SUSD4: variants seen among roughly 807,000 people sequenced by gnomAD.
SUSD4 encodes the protein sushi domain-containing protein 4.
In SUSD4, 41 loss-of-function variants were observed where a neutral mutation model predicts 50.5. The observed-to-expected ratio is 0.81, with a 90% CI of 0.63 to 1.05. The LOEUF is 1.05. Ranked by LOEUF, SUSD4 falls within the 50% of genes least tolerant of loss-of-function variation. SUSD4 has a pLI of 0.00. For synonymous variants in SUSD4, 257 were observed against 257.3 expected, an observed-to-expected ratio of 1.00 and a Z score of 0.01; for missense variants, 580 against 634.7, an observed-to-expected ratio of 0.91 and a Z score of 0.93.
chr1:223,302,760 A>G (rs1013735999), intron 2 of SUSD4, among the ~76,000 whole-genome samples: 1 of 152,200 alleles, frequency 6.6e-6, no homozygotes, highest in Non-Finnish European at 1.5e-5. Flanking sequence ...CATCCAAACT[A>G]ACCTGCCTCT....
intron 2 of SUSD4, among the ~76,000 whole-genome samples, chr1:223,311,572 G>C (rs1437790175): frequency 6.6e-6 from 1 of 152,200 alleles, no homozygotes; most frequent in Non-Finnish European, 1.5e-5. Flanking sequence ...TAGTGACGGA[G>C]GTAGATGGTG....
At chr1:223,331,806 CAG>C (rs1426735286) in intron 2 of SUSD4, among the ~76,000 whole-genome samples, 1 of 152,202 alleles carries the variant, frequency 6.6e-6, no homozygotes, top group Non-Finnish European at 1.5e-5. Context: ...GGTGTCAACT[CAG>C]AGATGCTAAG....
At chr1:223,341,657 A>T (rs2103301605) in intron 2 of SUSD4, among the ~76,000 whole-genome samples, 1 of 152,322 alleles carries the variant, frequency 6.6e-6, no homozygotes, top group Non-Finnish European at 1.5e-5. Context: ...GACAATCAGC[A>T]TGGCTCCCCC....
At chr1:223,360,763 C>T (rs978075198) in intron 2 of SUSD4, among the ~76,000 whole-genome samples, 1 of 152,030 alleles carries the variant, frequency 6.6e-6, no homozygotes, top group Non-Finnish European at 1.5e-5. Flanking sequence ...AAATGAAAAT[C>T]CACATTTCAG....
At chr1:223,337,260 T>C (rs1667506874) in intron 2 of SUSD4, among the ~76,000 whole-genome samples, 1 of 152,174 alleles carries the variant, frequency 6.6e-6, no homozygotes, top group South Asian at 2.1e-4. Context: ...GTCAGTAGAA[T>C]GTGTTAAGGA....
At chr1:223,280,259 GC>G (rs1663609385) in intron 3 of SUSD4, among the ~76,000 whole-genome samples, 1 of 152,100 alleles carries the variant, frequency 6.6e-6, no homozygotes, top group South Asian at 2.1e-4. Context: ...ATGTAAATGG[GC>G]TAAATGCTCC....
intron 5 of SUSD4, among the ~76,000 whole-genome samples, chr1:223,260,734 G>C (rs1430520728): frequency 1.3e-5 from 2 of 152,208 alleles, no homozygotes; most frequent in African/African-American, 2.4e-5. Context: ...ATACGCTCCA[G>C]AATCTTCCCA....
rs544173441 is a variant in SUSD4 at position 223,333,150 on chromosome 1, C to T, written c.148+30128G>A. Among the ~76,000 whole-genome samples, 13 of 151,886 alleles carry T rather than the reference C, an allele frequency of 8.6e-5. No homozygotes were observed. The South Asian group carries it at 2.5e-3, about 29-fold the overall frequency. On this transcript the variant is annotated intron_variant, in intron 2 of 8. Transcript: ENST00000366878. ...ACTGTAACCTCCCCCGTTACGGTGA[C>T]GGCAAAATGGTGCACACACCCACGG...
At chr1:223,311,578 T>C (rs1298833432) in intron 2 of SUSD4, among the ~76,000 whole-genome samples, 1 of 152,210 alleles carries the variant, frequency 6.6e-6, no homozygotes, top group Admixed American at 6.5e-5. Flanking sequence ...CGGAGGTAGA[T>C]GGTGTTTGTG....
In SUSD4 at chr1:223,361,514, G is replaced by A. The variant is rs80256213; in HGVS notation, c.148+1764C>T. Among the ~76,000 whole-genome samples, 1,516 of 152,226 alleles carry A rather than the reference G, an allele frequency of 1.0e-2. 24 individuals carry two copies. Among genetic ancestry groups the A allele is most frequent in the African/African-American group, 0.034 (1,399 of 41,522 alleles). ...ACAGGAAGGCAGGGAAAAAAGACAT[G>A]CTATAGGAACCTCATAGGTGACTGT... On this transcript the variant is annotated intron_variant, in intron 2 of 8. Coordinates refer to ENST00000366878, the MANE Select transcript of SUSD4 (RefSeq NM_017982.4).
At chr1:223,239,437 T>A (rs1660431787) in intron 5 of SUSD4, among the ~76,000 whole-genome samples, 1 of 152,090 alleles carries the variant, frequency 6.6e-6, no homozygotes, top group Admixed American at 6.5e-5. Context: ...CACTTTTTCA[T>A]CCACTTCCAG....
intron 5 of SUSD4, among the ~76,000 whole-genome samples, chr1:223,255,573 G>C (rs1661626864): frequency 6.6e-6 from 1 of 152,048 alleles, no homozygotes; most frequent in African/African-American, 2.4e-5. Context: ...AAGTTACCTG[G>C]GGCTTCCCAG....
At chr1:223,300,501 A>C (rs1665119105) in intron 2 of SUSD4, among the ~76,000 whole-genome samples, 6 of 152,170 alleles carry the variant, frequency 3.9e-5, no homozygotes, top group Admixed American at 3.9e-4. Flanking sequence ...TAAAAATGAA[A>C]GAGGTGTGAA....
chr1:223,299,070 A>C (rs1446899132), intron 2 of SUSD4, among the ~76,000 whole-genome samples: 2 of 152,212 alleles, frequency 1.3e-5, no homozygotes, highest in African/African-American at 2.4e-5. Context: ...GCAAGACAGT[A>C]ATTTTCTAGG....
intron 3 of SUSD4, among the ~76,000 whole-genome samples, chr1:223,273,442 C>T (rs934012170): frequency 6.6e-6 from 1 of 152,182 alleles, no homozygotes; most frequent in Admixed American, 6.5e-5. Flanking sequence ...ACCTTTAGCC[C>T]CTGGAATGTC....
chr1:223,274,090 T>A (rs1663098178), intron 3 of SUSD4, among the ~76,000 whole-genome samples: 5 of 152,132 alleles, frequency 3.3e-5, no homozygotes, highest in Non-Finnish European at 1.5e-5. Context: ...TTTTTTCACT[T>A]ACTATCCACT....
At chr1:223,326,792 G>A (rs1354650584) in intron 2 of SUSD4, among the ~76,000 whole-genome samples, 1 of 152,150 alleles carries the variant, frequency 6.6e-6, no homozygotes, top group African/African-American at 2.4e-5. Context: ...AAATCACAAT[G>A]AGATACCACC....
chr1:223,357,458 C>T (rs1160536297), intron 2 of SUSD4, among the ~76,000 whole-genome samples: 2 of 152,210 alleles, frequency 1.3e-5, no homozygotes, highest in East Asian at 3.8e-4. Context: ...AAAGAATAAT[C>T]TGGGTCACCA....
chr1:223,246,870 G>A (rs928272469), intron 5 of SUSD4, among the ~76,000 whole-genome samples: 5 of 152,194 alleles, frequency 3.3e-5, no homozygotes, highest in African/African-American at 1.2e-4. Flanking sequence ...CTTAAAACCA[G>A]TGTGTGCCTT....
Sources: allele counts gnomAD v4.1 joint callset (sites outside exome capture counted in the v4.1 genomes callset), GRCh38; gene constraint gnomAD v4.1.1; transcripts MANE v1.5; gene names NCBI Gene and HGNC (gene_info 2026-07-23, HGNC 2026-07-21).